Variants in SPOCK3 observed in about 807,000 individuals in gnomAD.
The protein encoded by SPOCK3 is SPARC (osteonectin), cwcv and kazal like domains proteoglycan 3.
SPOCK3 carries 30 observed loss-of-function variants against 56.6 expected under a neutral mutation model. The ratio of observed to expected loss-of-function variants is 0.53; its 90% CI spans 0.40 to 0.72. SPOCK3 has a LOEUF of 0.72. SPOCK3 is among the 30% of genes least tolerant of loss of function. The probability of loss-of-function intolerance (pLI) is 0.00; values close to 1 mark genes in which losing one functional copy is unlikely to be tolerated. For missense variants in SPOCK3, 527 were observed against 530.0 expected (o/e 0.99, Z 0.06); for synonymous variants, 196 against 183.3 (o/e 1.07, Z -0.56).
intron 6 of SPOCK3, among the ~76,000 whole-genome samples, chr4:166,796,634 A>G (rs1179522192): frequency 6.6e-6 from 1 of 152,230 alleles, no homozygotes; most frequent in Non-Finnish European, 1.5e-5. Flanking sequence ...TTTAGTTCAC[A>G]AAATACCAGG....
intron 2 of SPOCK3, among the ~76,000 whole-genome samples, chr4:167,156,644 A>C (rs1478238077): frequency 1.3e-5 from 2 of 152,180 alleles, no homozygotes; most frequent in Non-Finnish European, 2.9e-5. Flanking sequence ...GCAAAGAATT[A>C]GAAAAAGAAA....
intron 4 of SPOCK3, among the ~76,000 whole-genome samples, chr4:166,959,657 G>T (rs1743917398): frequency 6.6e-6 from 1 of 151,804 alleles, no homozygotes. Context: ...GACTAGAAAG[G>T]TAAGAGAGAA....
At chr4:167,131,535 G>A (rs1473732148) in intron 2 of SPOCK3, among the ~76,000 whole-genome samples, 4 of 152,078 alleles carry the variant, frequency 2.6e-5, no homozygotes, top group Non-Finnish European at 5.9e-5. Flanking sequence ...CCTGGGAGGC[G>A]GAGATTGCAG....
intron 6 of SPOCK3, among the ~76,000 whole-genome samples, chr4:166,861,375 C>T (rs2126910223): frequency 6.6e-6 from 1 of 152,142 alleles, no homozygotes; most frequent in Non-Finnish European, 1.5e-5. Flanking sequence ...TTCTCAAAGT[C>T]TCTTACTAGC....
intron 3 of SPOCK3, among the ~76,000 whole-genome samples, chr4:167,008,104 T>G (rs1380654331): frequency 6.6e-6 from 1 of 152,196 alleles, no homozygotes; most frequent in East Asian, 1.9e-4. Context: ...ATAAATATAT[T>G]TATTTCTTGA....
chr4:167,060,183 G>A (rs574137173), intron 3 of SPOCK3, among the ~76,000 whole-genome samples: 1 of 149,006 alleles, frequency 6.7e-6, no homozygotes, highest in South Asian at 2.1e-4. Flanking sequence ...AGAAAATGAA[G>A]GACTTGAACA....
chr4:167,019,454 C>A (rs1750964378), intron 3 of SPOCK3, among the ~76,000 whole-genome samples: 1 of 151,224 alleles, frequency 6.6e-6, no homozygotes, highest in African/African-American at 2.4e-5. Context: ...GAGTTATAAC[C>A]ATATATAATT....
At chr4:167,163,292 ATTTAATT>A (rs1050940610) in intron 2 of SPOCK3, among the ~76,000 whole-genome samples, 15 of 149,308 alleles carry the variant, frequency 1.0e-4, no homozygotes, top group African/African-American at 3.7e-4. Context: ...TGAAAATTTT[ATTTAATT>A]TTTAATTTTT....
chr4:166,828,690 G>A (rs1745726024), intron 6 of SPOCK3, among the ~76,000 whole-genome samples: 1 of 151,960 alleles, frequency 6.6e-6, no homozygotes, highest in Non-Finnish European at 1.5e-5. Flanking sequence ...AGAATAAGCA[G>A]TTACCTGGGT....
intron 6 of SPOCK3, among the ~76,000 whole-genome samples, chr4:166,792,588 T>C (rs1741474132): frequency 6.6e-6 from 1 of 152,148 alleles, no homozygotes; most frequent in Admixed American, 6.5e-5. Context: ...ATTTATGTCA[T>C]AAATACTTTT....
At chr4:166,998,272 T>C (rs991810670) in intron 4 of SPOCK3, among the ~76,000 whole-genome samples, 1 of 152,090 alleles carries the variant, frequency 6.6e-6, no homozygotes, top group African/African-American at 2.4e-5. Context: ...ATTCACCCAC[T>C]AAAAGCATAT....
intron 3 of SPOCK3, among the ~76,000 whole-genome samples, chr4:167,021,749 C>A (rs188928036): frequency 6.6e-6 from 1 of 152,062 alleles, no homozygotes; most frequent in East Asian, 1.9e-4. Flanking sequence ...CACCAGGTGG[C>A]GCCAAACAGC....
At chr4:167,223,167 G>A (rs1736220083) in intron 2 of SPOCK3, among the ~76,000 whole-genome samples, 1 of 120,336 alleles carries the variant, frequency 8.3e-6, no homozygotes, top group South Asian at 2.4e-4. Flanking sequence ...TTTTATATAT[G>A]AATATATAAT....
intron 5 of SPOCK3, among the ~76,000 whole-genome samples, chr4:166,895,998 A>T (rs1309815970): frequency 1.3e-5 from 2 of 152,118 alleles, no homozygotes; most frequent in African/African-American, 4.8e-5. Context: ...ATCTGACACC[A>T]GGGCCCAGAT....
chr4:166,834,105 C>T (rs1746366511), intron 6 of SPOCK3, among the ~76,000 whole-genome samples: 1 of 152,158 alleles, frequency 6.6e-6, no homozygotes, highest in South Asian at 2.1e-4. Flanking sequence ...ATGTGTTCCC[C>T]CAGAGACTTA....
At chr4:166,912,769 T>C (rs373109449) in intron 4 of SPOCK3, 26 bp from the exon 5 acceptor site, 18 of 1,569,000 alleles carry the variant, frequency 1.1e-5, no homozygotes, top group African/African-American at 6.9e-5. Flanking sequence ...AGCAAGCATA[T>C]TGAGCATATT....
Position 167,116,528 on chromosome 4 carries a change from G to GTA in SPOCK3, c.190-53993_190-53992dup, listed in dbSNP as rs543390308. ...TATACACAAATATATATACGTATAT[G>GTA]TATATATATATAAAAGTATATATAT... On this transcript the variant is annotated intron_variant, in intron 2 of 10. Coordinates refer to ENST00000357545, the MANE Select transcript of SPOCK3 (RefSeq NM_001040159.2). Among the ~76,000 whole-genome samples the GTA allele has an allele frequency of 1.9e-3, 249 of 128,114 alleles. 2 individuals are homozygous for GTA. Among genetic ancestry groups the GTA allele is most frequent in the African/African-American group, 6.7e-3 (230 of 34,198 alleles). 84.0% of individuals were successfully genotyped at this position (128,114 alleles called of 152,430 possible).
intron 2 of SPOCK3, among the ~76,000 whole-genome samples, chr4:167,116,205 A>T (rs564176183): frequency 5.2e-4 from 79 of 151,948 alleles, no homozygotes; most frequent in African/African-American, 1.8e-3. Context: ...ACACATACAC[A>T]CACCCCAAAA....
At chr4:166,958,837 C>T (rs1308426724) in intron 4 of SPOCK3, among the ~76,000 whole-genome samples, 1 of 152,160 alleles carries the variant, frequency 6.6e-6, no homozygotes, top group Non-Finnish European at 1.5e-5. Flanking sequence ...ATCACCAGAA[C>T]TGAAAACTTC....
Sources: gnomAD v4.1 joint callset for allele counts (sites outside exome capture counted in the v4.1 genomes callset) on GRCh38, gnomAD v4.1.1 for gene constraint, MANE v1.5 for transcripts, NCBI Gene and HGNC (gene_info 2026-07-23, HGNC 2026-07-21) for gene names.